Variants in LLGL2 observed in about 807,000 individuals in gnomAD.
The protein encoded by LLGL2 is LLGL2, scribble cell polarity complex component.
In LLGL2, 81 loss-of-function variants were observed where a neutral mutation model predicts 123.2. The observed-to-expected ratio is 0.66, with a 90% CI of 0.55 to 0.79. The LOEUF (loss-of-function observed/expected upper bound fraction) is 0.79, where lower values mean the gene tolerates loss of function less well. Ranked by LOEUF, LLGL2 falls within the 30% of genes least tolerant of loss-of-function variation. The pLI is 0.00. For missense variants in LLGL2, 1,273 were observed against 1,414.6 expected (o/e 0.90, Z 1.61); for synonymous variants, 577 against 594.1 (o/e 0.97, Z 0.42).
At position 75,559,234 on chromosome 17, in the gene LLGL2, C is replaced by A; in HGVS notation, c.372-18C>A. On this transcript the variant is annotated intron_variant, in intron 5 of 25. Coordinates refer to ENST00000392550, the MANE Select transcript of LLGL2 (RefSeq NM_001031803.2). This position sits in a 1 kb window ranked among gnomAD's most constrained non-coding sequence, Gnocchi z 4.6. ...TGCTGGGCAGTGGTCGGCTCACGGGCAGCTGTTCTTGTCACAGGGCTGCCC... is the reference window on the plus strand; with the variant it reads ...TGCTGGGCAGTGGTCGGCTCACGGGAAGCTGTTCTTGTCACAGGGCTGCCC... The A allele has an allele frequency of 6.3e-7, 1 of 1,579,274 alleles. No homozygotes were observed. The highest frequency in any genetic ancestry group is 8.6e-7 in the Non-Finnish European group (1 of 1,163,202).
At position 75,575,077 on chromosome 17, in the gene LLGL2, G is replaced by A. The variant is rs1341692977; in HGVS notation, c.*199G>A. On this transcript the variant is annotated 3_prime_UTR_variant, in exon 26 of 26. Coordinates refer to ENST00000392550, the MANE Select transcript of LLGL2 (RefSeq NM_001031803.2). ...GGGCTGCCCTTCCCGGGCCTCGTCT[G>A]TCTGGGTCCTTTGGTCAATGTTGCA... 1.5e-5 allele frequency: 10 copies of A among 680,838 alleles called. No homozygotes were observed. The South Asian group carries it at 1.6e-4, about 11-fold the overall frequency. 42.2% of individuals were successfully genotyped at this position (680,838 alleles called of 1,614,324 possible).
rs1288739411 is a variant in LLGL2 at position 75,570,619 on chromosome 17, C to T, written c.2025+121C>T. On this transcript the variant is annotated intron_variant, in intron 16 of 25. Transcript: ENST00000392550. ...CTAGGCTACAAACAAGATTCAGGGTCCAGGTCGCATTGTGTGACCTCAGAC... is the reference window on the plus strand; with the variant it reads ...CTAGGCTACAAACAAGATTCAGGGTTCAGGTCGCATTGTGTGACCTCAGAC... 8 of 1,268,586 alleles carry T rather than the reference C, an allele frequency of 6.3e-6. No homozygotes were observed. The East Asian group carries it at 2.0e-4, about 32-fold the overall frequency. The allele number at this position is 1,268,586 out of a possible 1,614,324, so 78.6% of individuals were successfully genotyped here.
chr17:75,568,399 A>G, intron 10 of LLGL2, 77 bp from the exon 11 acceptor site: 1 of 1,533,836 alleles, frequency 6.5e-7, no homozygotes, highest in Non-Finnish European at 8.7e-7. Context: ...CCTGGCTCCA[A>G]CCCTGGAGCT....
Position 75,575,186 on chromosome 17 carries a change from T to C in LLGL2, c.*308T>C. 1 of 544,046 alleles carries C rather than the reference T, an allele frequency of 1.8e-6. No homozygotes were observed. The allele number at this position is 544,046 out of a possible 1,614,324, so 33.7% of individuals were successfully genotyped here. On this transcript the variant is annotated 3_prime_UTR_variant, in exon 26 of 26. Transcript: ENST00000392550. ...AACTGCCTCTGGGTGAAAAAGTTTTTAATAAACACCTATTACCTCTTGACT... is the reference window on the plus strand; with the variant it reads ...AACTGCCTCTGGGTGAAAAAGTTTTCAATAAACACCTATTACCTCTTGACT...
chr17:75,561,808 G>C (rs1453219183), intron 6 of LLGL2, among the ~76,000 whole-genome samples: 1 of 151,880 alleles, frequency 6.6e-6, no homozygotes, highest in Non-Finnish European at 1.5e-5. Context: ...TGTAATCCCT[G>C]ATACTCGGGA....
rs199685129 is a variant in LLGL2 at position 75,571,703 on chromosome 17, A to G, written c.2213A>G (p.Asn738Ser). ...TGCCCCTCGCTGTGGGCTGGCACCAATGGGGGCACCATCTATGCCTTCTCC... is the reference window on the plus strand; with the variant it reads ...TGCCCCTCGCTGTGGGCTGGCACCAGTGGGGGCACCATCTATGCCTTCTCC... ...RHCPSLWAGT[N>S]GGTIYAFSLR... Residue 738 changes from asparagine (N) to serine (S), a missense_variant, in exon 18 of 26, where the codon AAT (asparagine) becomes AGT (serine). Asn to Ser is a conservative substitution (Grantham distance 46). Transcript: ENST00000392550. 86 of 1,609,564 alleles carry G rather than the reference A, an allele frequency of 5.3e-5. No individual in the cohort carries two copies. Among genetic ancestry groups the G allele is most frequent in the South Asian group, 6.6e-5 (6 of 91,076 alleles).
chr17:75,542,237 C>T (rs62088545), intron 1 of LLGL2, among the ~76,000 whole-genome samples: 41,461 of 143,660 alleles, frequency 0.29, 5,977 homozygotes, highest in African/African-American at 0.38. Flanking sequence ...AGCTTAGATA[C>T]CTTCTTCTCG....
rs369025981 is a variant in LLGL2, at chr17:75,558,227, G to A, written c.246G>A (p.Leu82=). The A allele has an allele frequency of 3.2e-5, 52 of 1,612,126 alleles. 1 individual carries two copies. The African/African-American group carries it at 3.9e-4, about 12-fold the overall frequency. ...ENNAVTQIHL[L]PGQCQLVTLL... is the part of the protein sequence containing the mutation. ...ACGCTGTGACGCAGATCCACCTCCT[G>A]CCCGGCCAGGTGAGGGACCTGGGGT... Residue 82 remains leucine, a synonymous_variant, in exon 4 of 26, where the codon CTG becomes CTA. Coordinates refer to ENST00000392550, the MANE Select transcript of LLGL2 (RefSeq NM_001031803.2). This position sits in a 1 kb window ranked among gnomAD's most constrained non-coding sequence, Gnocchi z 4.0.
In LLGL2 at chr17:75,559,789, C is replaced by G. The variant is rs191588690; in HGVS notation, c.530+379C>G. ...GGGCAGCTCCTGGTGCCACCCTTTG[C>G]GGTGGGTACTTTGCTGAGGTTCCAT... On this transcript the variant is annotated intron_variant, in intron 6 of 25. Transcript: ENST00000392550. This position sits in a 1 kb window ranked among gnomAD's most constrained non-coding sequence, Gnocchi z 4.6. 8.5e-5 allele frequency among the ~76,000 whole-genome samples: 13 copies of G among 152,244 alleles called. No individual in the cohort carries two copies. Among genetic ancestry groups the G allele is most frequent in the Middle Eastern group, 3.4e-3 (1 of 294 alleles).
Position 75,574,371 on chromosome 17 carries a change from A to G in LLGL2, c.2954-82A>G. ...TGAGGCGGGGTACAGATCCATGGGC[A>G]CCCACGGAGAAAGGGGGTGGAAGGG... is the stretch of plus-strand genomic sequence containing the variant. On this transcript the variant is annotated intron_variant, in intron 23 of 25. Transcript: ENST00000392550. 2.6e-6 allele frequency: 4 copies of G among 1,534,522 alleles called. 1 individual carries two copies. In the South Asian group the frequency reaches 4.8e-5, roughly 18 times the overall value.
chr17:75,532,079 T>TACACACACACACAC (rs1555648021), intron 1 of LLGL2, among the ~76,000 whole-genome samples: 67 of 27,488 alleles, frequency 2.4e-3, no homozygotes, highest in Non-Finnish European at 5.0e-3. Context: ...CACACACACT[T>TACACACACACACAC]TTTTTTTTTT....
At chr17:75,560,281 A>G (rs2055141781) in intron 6 of LLGL2, among the ~76,000 whole-genome samples, 1 of 152,216 alleles carries the variant, frequency 6.6e-6, no homozygotes, top group African/African-American at 2.4e-5. Flanking sequence ...AGTGTGTCCA[A>G]GGTCAGAGCA....
At chr17:75,562,902 A>C (rs1339520340) in intron 6 of LLGL2, 114 bp from the exon 7 acceptor site, 1 of 1,300,670 alleles carries the variant, frequency 7.7e-7, no homozygotes, top group Non-Finnish European at 1.1e-6. Context: ...CCATATTTCT[A>C]TGCTGGCACA....
intron 1 of LLGL2, among the ~76,000 whole-genome samples, chr17:75,535,706 G>A (rs778262331): frequency 3.9e-5 from 6 of 152,226 alleles, no homozygotes; most frequent in African/African-American, 9.6e-5. Context: ...AGTCCACCCC[G>A]TGTGGTTATT....
At chr17:75,556,167 A>C (rs778516875) in intron 3 of LLGL2, 24 bp downstream of exon 3, 17 of 1,578,936 alleles carry the variant, frequency 1.1e-5, no homozygotes, top group Non-Finnish European at 1.5e-5. Flanking sequence ...CCTCGCTCCC[A>C]CTCGGGCAGG....
intron 1 of LLGL2, among the ~76,000 whole-genome samples, chr17:75,533,467 G>C (rs564346215): frequency 6.6e-6 from 1 of 151,310 alleles, no homozygotes; most frequent in South Asian, 2.1e-4. Flanking sequence ...ATGATGCCCA[G>C]CTAATTTTTT....
chr17:75,526,035 T>A (rs1046761294), intron 1 of LLGL2, among the ~76,000 whole-genome samples: 2 of 152,144 alleles, frequency 1.3e-5, no homozygotes, highest in Admixed American at 6.5e-5. Context: ...CTTCTCTGCC[T>A]GATCTGCGCG....
At chr17:75,567,911 A>T in intron 10 of LLGL2, 1 of 320,856 alleles carries the variant, frequency 3.1e-6, no homozygotes, top group Non-Finnish European at 4.5e-6. Flanking sequence ...ACTGTACTCC[A>T]GCCTGGGCGA....
intron 1 of LLGL2, among the ~76,000 whole-genome samples, chr17:75,540,931 G>C (rs543856049): frequency 6.6e-6 from 1 of 152,212 alleles, no homozygotes; most frequent in African/African-American, 2.4e-5. Flanking sequence ...GGGGTTTAGG[G>C]AGGATTTTCT....
Sources: gnomAD v4.1 joint callset for allele counts (sites outside exome capture counted in the v4.1 genomes callset) on GRCh38, gnomAD v4.1.1 for gene constraint, Gnocchi (gnomAD v3.1) non-coding constraint, MANE v1.5 for transcripts, NCBI Gene and HGNC (gene_info 2026-07-23, HGNC 2026-07-21) for gene names.